The following MAU2 variants were observed in gnomAD, a reference collection of about 807,000 sequenced individuals.
MAU2 encodes the protein MAU2 sister chromatid cohesion factor, also known as MAU2 chromatid cohesion factor homolog.
In MAU2, 9 loss-of-function variants were observed where a neutral mutation model predicts 89.1. That is an observed-to-expected ratio of 0.10 (90% CI 0.06 to 0.18). MAU2 has a LOEUF of 0.18. Among genes scored for constraint, MAU2 ranks in the 10% least tolerant of loss-of-function variants. The pLI, the probability that MAU2 is intolerant of heterozygous loss-of-function variation, is 1.00. For synonymous variants in MAU2, 357 were observed against 343.4 expected (o/e 1.04, Z -0.44); for missense variants, 425 against 803.5 (o/e 0.53, Z 5.69).
At chr19:19,332,719 C>T (rs1183633600) in intron 1 of MAU2, among the ~76,000 whole-genome samples, 1 of 152,170 alleles carries the variant, frequency 6.6e-6, no homozygotes, top group African/African-American at 2.4e-5. Context: ...CTAGCCCACC[C>T]GTGGACGGAC....
rs952706128 is a variant in MAU2 at position 19,345,935 on chromosome 19, C to T, written c.1221+566C>T. ...GGGCTGGACCATTGTGTCCCCACCT[C>T]AGCCTCAACCTCCTCACAGGAAATG... On this transcript the variant is annotated intron_variant, in intron 12 of 18. Coordinates refer to ENST00000262815, the MANE Select transcript of MAU2 (RefSeq NM_015329.4). The surrounding 1 kb of genome is among the most constrained non-coding windows in gnomAD (Gnocchi z 4.9). Among the ~76,000 whole-genome samples, 1 of 152,202 alleles carries T rather than the reference C, an allele frequency of 6.6e-6. No homozygotes were observed. The highest frequency in any genetic ancestry group is 2.4e-5 in the African/African-American group (1 of 41,458).
intron 10 of MAU2, chr19:19,344,367 G>A (rs928120117): frequency 7.5e-5 from 17 of 226,390 alleles, no homozygotes; most frequent in African/African-American, 3.2e-4. Flanking sequence ...AGCCGAGATC[G>A]CACTACTGCA....
At position 19,343,782 on chromosome 19, in the gene MAU2, G is replaced by A. The variant is rs989573760; in HGVS notation, c.974-55G>A. On this transcript the variant is annotated intron_variant, in intron 9 of 18. Transcript: ENST00000262815. ...ACGAGGTGGGGGCACGGTGGGCTGG[G>A]GGTGGCGCCTCCTCTGGCCTCCCCT... is the stretch of plus-strand genomic sequence containing the variant. 7.0e-5 allele frequency: 95 copies of A among 1,353,834 alleles called. 1 individual carries two copies. The highest frequency in any genetic ancestry group is 8.4e-5 in the Non-Finnish European group (80 of 948,702). The allele number at this position is 1,353,834 out of a possible 1,614,324, so 83.9% of individuals were successfully genotyped here. A position where few individuals can be genotyped will look rare whatever the true frequency, so the allele number is the denominator to read the frequency against.
At chr19:19,340,181 AAATT>A (rs1367463189) in intron 5 of MAU2, among the ~76,000 whole-genome samples, 5 of 150,036 alleles carry the variant, frequency 3.3e-5, no homozygotes, top group African/African-American at 9.8e-5. Context: ...AAAAAAAAAA[AAATT>A]AACCAGGCAT....
chr19:19,336,574 C>T (rs887789990), intron 3 of MAU2, among the ~76,000 whole-genome samples: 1 of 152,212 alleles, frequency 6.6e-6, no homozygotes, highest in African/African-American at 2.4e-5. Flanking sequence ...GTGCCCAGCC[C>T]GGTGGCTTTT....
At chr19:19,349,050 G>A in intron 14 of MAU2, 105 bp from the exon 15 acceptor site, 7 of 1,557,634 alleles carry the variant, frequency 4.5e-6, no homozygotes, top group Non-Finnish European at 6.2e-6. Flanking sequence ...CTCACAGACA[G>A]TCTGCAGTGG....
chr19:19,341,982 G>A (rs2061652246), intron 7 of MAU2, among the ~76,000 whole-genome samples: 1 of 152,180 alleles, frequency 6.6e-6, no homozygotes, highest in South Asian at 2.1e-4. Flanking sequence ...GTCTCCACAG[G>A]GCTTGGTAAG....
At chr19:19,343,162 C>T (rs2061666366) in intron 9 of MAU2, among the ~76,000 whole-genome samples, 2 of 152,310 alleles carry the variant, frequency 1.3e-5, no homozygotes, top group Middle Eastern at 3.4e-3. Flanking sequence ...GTGACAGGGA[C>T]ACTCGGGATG....
intron 16 of MAU2, among the ~76,000 whole-genome samples, chr19:19,350,297 G>GAAA (rs60619538): frequency 7.7e-5 from 10 of 130,342 alleles, no homozygotes; most frequent in Admixed American, 6.3e-4. Context: ...CTCTGTCTCA[G>GAAA]AAAAAAAAAA....
chr19:19,337,040 C>CA, intron 3 of MAU2, 130 bp from the exon 4 acceptor site: 1 of 668,062 alleles, frequency 1.5e-6, no homozygotes, highest in Non-Finnish European at 2.6e-6. Flanking sequence ...TTGGCAACCC[C>CA]AAAAAATCCT....
At chr19:19,343,052 C>G (rs549870902) in intron 9 of MAU2, among the ~76,000 whole-genome samples, 186 bp downstream of exon 9, 18 of 152,336 alleles carry the variant, frequency 1.2e-4, no homozygotes, top group Admixed American at 2.6e-4. Flanking sequence ...GCAGACAGGC[C>G]TGGGGTCGGG....
rs755980540 is a variant in MAU2, at chr19:19,348,832, G to A, written c.1309-57G>A. On this transcript the variant is annotated intron_variant, in intron 13 of 18. Coordinates refer to ENST00000262815, the MANE Select transcript of MAU2 (RefSeq NM_015329.4). ...ATTCCCATGCACTGCAGTGTGTCTT[G>A]GGGACCTTTCTCCTGTGAAGATGCA... 3.2e-6 allele frequency: 5 copies of A among 1,574,654 alleles called. No homozygotes were observed. In the South Asian group the frequency reaches 4.4e-5, roughly 14 times the overall value.
intron 1 of MAU2, among the ~76,000 whole-genome samples, chr19:19,326,438 G>A (rs1599888424): frequency 1.3e-5 from 2 of 151,532 alleles, no homozygotes; most frequent in African/African-American, 2.4e-5. Flanking sequence ...TGTAATCCCA[G>A]CACTTTGGGA....
At chr19:19,352,635 A>C (rs1465798475) in intron 16 of MAU2, 2 of 152,294 alleles carry the variant, frequency 1.3e-5, no homozygotes, top group Admixed American at 6.5e-5. Flanking sequence ...CAGACCGCAG[A>C]ATCAGGACTG....
At chr19:19,352,094 CT>C (rs2146709932) in intron 16 of MAU2, among the ~76,000 whole-genome samples, 1 of 152,060 alleles carries the variant, frequency 6.6e-6, no homozygotes. Context: ...GGTGATCTGC[CT>C]ACTTCAGCCT....
chr19:19,348,773 C>T, intron 13 of MAU2, 116 bp from the exon 14 acceptor site: 4 of 1,145,950 alleles, frequency 3.5e-6, no homozygotes, highest in Non-Finnish European at 3.9e-6. Flanking sequence ...CAGGCTCAGC[C>T]TGGAGGCCAC....
At chr19:19,350,011 T>C (rs1312535388) in intron 16 of MAU2, among the ~76,000 whole-genome samples, 1 of 151,024 alleles carries the variant, frequency 6.6e-6, no homozygotes, top group Non-Finnish European at 1.5e-5. Flanking sequence ...AGAAGATATT[T>C]TGGGCAGGCA....
intron 1 of MAU2, among the ~76,000 whole-genome samples, chr19:19,332,937 C>T (rs548242082): frequency 1.4e-4 from 22 of 152,198 alleles, no homozygotes; most frequent in African/African-American, 5.1e-4. Context: ...ATTAGCCAGG[C>T]ATGGTGGCGC....
chr19:19,350,049 C>T (rs1050942563), intron 16 of MAU2, among the ~76,000 whole-genome samples: 1 of 148,090 alleles, frequency 6.8e-6, no homozygotes, highest in Non-Finnish European at 1.5e-5. Context: ...AATCCCAGCA[C>T]TTTGGGAGGC....
Sources: gnomAD v4.1 joint callset for allele counts (sites outside exome capture counted in the v4.1 genomes callset) on GRCh38, gnomAD v4.1.1 for gene constraint, Gnocchi (gnomAD v3.1) non-coding constraint, MANE v1.5 for transcripts, NCBI Gene and HGNC (gene_info 2026-07-23, HGNC 2026-07-21) for gene names.